RERE: variants seen among roughly 807,000 people sequenced by gnomAD.
RERE encodes the protein arginine-glutamic acid dipeptide repeats protein.
In RERE, 40 loss-of-function variants were observed where a neutral mutation model predicts 146.1. That is an observed-to-expected ratio of 0.27 (90% confidence interval 0.21 to 0.36). RERE has a LOEUF of 0.36. Among genes scored for constraint, RERE ranks in the 10% least tolerant of loss-of-function variants. The probability of loss-of-function intolerance (pLI) is 1.00; values close to 1 mark genes in which losing one functional copy is unlikely to be tolerated. For missense variants in RERE, 1,933 were observed against 2,138.7 expected (o/e 0.90, Z 1.90); for synonymous variants, 1,003 against 866.0 (o/e 1.16, Z -2.78).
intron 11 of RERE, among the ~76,000 whole-genome samples, chr1:8,441,919 T>C (rs780681122): frequency 8.1e-6 from 1 of 123,084 alleles, no homozygotes; most frequent in African/African-American, 2.6e-5. Context: ...GAAATAACCA[T>C]ATGCCCGATT....
chr1:8,485,909 C>T (rs1453113467), intron 10 of RERE, among the ~76,000 whole-genome samples: 1 of 151,238 alleles, frequency 6.6e-6, no homozygotes, highest in Non-Finnish European at 1.5e-5. Context: ...AGCAATTCTC[C>T]TGCCTCAGGC....
At chr1:8,438,155 T>A (rs1056592431) in intron 11 of RERE, among the ~76,000 whole-genome samples, 4 of 152,120 alleles carry the variant, frequency 2.6e-5, no homozygotes, top group African/African-American at 9.7e-5. Flanking sequence ...CAGCTAATTT[T>A]AAAAATATTT....
At chr1:8,382,178 T>C (rs1415603300) in intron 12 of RERE, among the ~76,000 whole-genome samples, 1 of 152,268 alleles carries the variant, frequency 6.6e-6, no homozygotes, top group Non-Finnish European at 1.5e-5. Flanking sequence ...TCTGGGATTA[T>C]GCCTGCAAGC....
chr1:8,599,261 C>T (rs1403085590), intron 4 of RERE, among the ~76,000 whole-genome samples: 1 of 152,156 alleles, frequency 6.6e-6, no homozygotes, highest in Non-Finnish European at 1.5e-5. Flanking sequence ...AGCCACCTAA[C>T]AATTAACAAC....
intron 7 of RERE, among the ~76,000 whole-genome samples, chr1:8,509,156 G>C (rs1239405740): frequency 6.6e-6 from 1 of 152,014 alleles, no homozygotes; most frequent in Non-Finnish European, 1.5e-5. Context: ...TGTTCAGCCA[G>C]GCTGGTCTCG....
intron 2 of RERE, among the ~76,000 whole-genome samples, chr1:8,633,944 A>G (rs1376316086): frequency 6.6e-6 from 1 of 152,152 alleles, no homozygotes; most frequent in African/African-American, 2.4e-5. Context: ...GAAAAGAGGA[A>G]GAGAAATGAA....
At chr1:8,383,659 G>C (rs1642532945) in intron 12 of RERE, among the ~76,000 whole-genome samples, 3 of 152,058 alleles carry the variant, frequency 2.0e-5, no homozygotes, top group African/African-American at 7.2e-5. Context: ...AGGAGTTTGA[G>C]ACCAGCCTGA....
At chr1:8,794,980 T>C (rs957093196) in intron 1 of RERE, among the ~76,000 whole-genome samples, 14 of 152,016 alleles carry the variant, frequency 9.2e-5, no homozygotes, top group African/African-American at 3.1e-4. Flanking sequence ...GCCCAGCTAA[T>C]ATTTTTTATT....
chr1:8,599,736 G>C (rs1364306767), intron 4 of RERE, among the ~76,000 whole-genome samples: 1 of 152,188 alleles, frequency 6.6e-6, no homozygotes, highest in African/African-American at 2.4e-5. Flanking sequence ...CCATCAAGGA[G>C]TGAGTATTGA....
At chr1:8,550,061 A>G (rs1645915299) in intron 6 of RERE, among the ~76,000 whole-genome samples, 2 of 152,216 alleles carry the variant, frequency 1.3e-5, no homozygotes, top group Admixed American at 1.3e-4. Context: ...TATTGTATCA[A>G]TGTTAATTCC....
At chr1:8,650,520 T>C (rs1308395362) in intron 2 of RERE, among the ~76,000 whole-genome samples, 1 of 152,168 alleles carries the variant, frequency 6.6e-6, no homozygotes, top group Non-Finnish European at 1.5e-5. Flanking sequence ...CCCAGCACTT[T>C]GGGAGGCCAA....
intron 6 of RERE, among the ~76,000 whole-genome samples, chr1:8,552,900 GCAC>G (rs1183791120): frequency 6.7e-6 from 1 of 149,886 alleles, no homozygotes; most frequent in African/African-American, 2.5e-5. Context: ...ACACAAAACT[GCAC>G]CACTAGGCCA....
chr1:8,658,846 C>T (rs981966026), intron 1 of RERE, among the ~76,000 whole-genome samples: 2 of 152,134 alleles, frequency 1.3e-5, no homozygotes, highest in Non-Finnish European at 2.9e-5. Context: ...TTCTCTGCAG[C>T]GCTCTTAGGT....
In RERE at chr1:8,618,249, T is replaced by C. The variant is rs1163632188; in HGVS notation, c.397-3563A>G. Among the ~76,000 whole-genome samples, 3 of 152,194 alleles carry C rather than the reference T, an allele frequency of 2.0e-5. No homozygotes were observed. The East Asian group carries it at 5.8e-4, about 29-fold the overall frequency. Reference sequence around the variant, plus strand: ...TGGACACTTTGTAAGTCTGACCTTTTAATCTAAAAACAATCTACTTGGCAA... The same window carrying C: ...TGGACACTTTGTAAGTCTGACCTTTCAATCTAAAAACAATCTACTTGGCAA... On this transcript the variant is annotated intron_variant, in intron 3 of 22. Coordinates refer to ENST00000400908, the MANE Select transcript of RERE (RefSeq NM_001042681.2).
chr1:8,734,668 T>TA (rs1392688389), intron 1 of RERE, among the ~76,000 whole-genome samples: 9 of 152,126 alleles, frequency 5.9e-5, no homozygotes, highest in Admixed American at 1.3e-4. Context: ...CATTAAAACA[T>TA]AAAAAACACT....
chr1:8,400,879 G>A (rs1348780697), intron 12 of RERE, among the ~76,000 whole-genome samples: 3 of 144,354 alleles, frequency 2.1e-5, no homozygotes, highest in African/African-American at 5.1e-5. Flanking sequence ...TTATCCAGGC[G>A]TGATGGCGTG....
rs762816266 is a variant in RERE, at chr1:8,358,465, G to A, written c.4070C>T (p.Pro1357Leu). 5 of 1,580,758 alleles carry A rather than the reference G, an allele frequency of 3.2e-6. No homozygotes were observed. Among genetic ancestry groups the A allele is most frequent in the South Asian group, 2.3e-5 (2 of 88,018 alleles). The part of the protein sequence containing the change: ...FARHSALTIP[P>L]TAGPHPFASF... ...AGCAAAAGGGTGGGGCCCGGCGGTC[G>A]GGGGGATGGTGAGGGCGCTGTGCCG... The change falls in exon 20 of 23, where the codon CCG becomes CTG. Residue 1357 changes from proline to leucine, a missense_variant. This residue lies in a region of RERE where 1,255 missense variants were observed against 1,153.8 expected (regional missense o/e 1.09). Transcript: ENST00000400908.
intron 12 of RERE, among the ~76,000 whole-genome samples, chr1:8,387,490 A>G (rs899793643): frequency 1.3e-5 from 2 of 152,240 alleles, no homozygotes; most frequent in Non-Finnish European, 2.9e-5. Context: ...AATTAACAAC[A>G]TATTAATCTT....
chr1:8,600,218 G>T (rs1417468158), intron 4 of RERE, among the ~76,000 whole-genome samples: 2 of 152,140 alleles, frequency 1.3e-5, no homozygotes, highest in African/African-American at 4.8e-5. Context: ...ACATGGAACT[G>T]TGAGAGTCCA....
Sources: gnomAD v4.1 joint callset for allele counts (sites outside exome capture counted in the v4.1 genomes callset) on GRCh38, gnomAD v4.1.1 for gene constraint, gnomAD v4.1.1 regional missense constraint, MANE v1.5 for transcripts, NCBI Gene and HGNC (gene_info 2026-07-23, HGNC 2026-07-21) for gene names.